The following CACNA1A variants were observed in gnomAD, a reference collection of about 807,000 sequenced individuals.
CACNA1A encodes calcium voltage-gated channel subunit alpha1 A, also known as voltage-dependent P/Q-type calcium channel subunit alpha-1A.
A neutral mutation model predicts 262.4 loss-of-function variants in CACNA1A; 57 were observed. The ratio of observed to expected loss-of-function variants is 0.22; its 90% confidence interval spans 0.18 to 0.27. The LOEUF is 0.27. Ranked by LOEUF, CACNA1A falls within the 10% of genes least tolerant of loss-of-function variation. CACNA1A has a pLI of 1.00. For missense variants in CACNA1A, 2,526 were observed against 3,562.8 expected (o/e 0.71, Z 7.41); for synonymous variants, 1,431 against 1,419.3 (o/e 1.01, Z -0.18).
At chr19:13,283,555 T>C in intron 21 of CACNA1A, 159 bp from the exon 22 acceptor site, 1 of 897,208 alleles carries the variant, frequency 1.1e-6, no homozygotes. Context: ...GGGCCCTCTC[T>C]GGGTCCTGGA....
At chr19:13,230,308 C>T in intron 35 of CACNA1A, 99 bp from the exon 36 acceptor site, 1 of 1,338,684 alleles carries the variant, frequency 7.5e-7, no homozygotes, top group Non-Finnish European at 1.0e-6. Context: ...ACAGACAGAC[C>T]CAAAGACATG....
intron 3 of CACNA1A, among the ~76,000 whole-genome samples, chr19:13,398,004 G>A (rs977305655): frequency 2.0e-5 from 3 of 151,962 alleles, no homozygotes; most frequent in African/African-American, 7.3e-5. Context: ...GCTCACGGCT[G>A]TAATCCCAGC....
chr19:13,235,280 G>A lies in CACNA1A; in HGVS notation c.5068-6C>T. ...AGACAGACATAAGGCAGGGCCTGGT[G>A]GGAAAAAAGGCAATGAAGAAGAGTG... is the stretch of plus-strand genomic sequence containing the variant. On this transcript the variant is annotated splice_region_variant and splice_polypyrimidine_tract_variant and intron_variant, in intron 32 of 46. Coordinates refer to ENST00000360228, the MANE Select transcript of CACNA1A (RefSeq NM_001127222.2). The A allele has an allele frequency of 6.3e-7, 1 of 1,583,354 alleles. No individual in the cohort carries two copies. The highest frequency in any genetic ancestry group is 1.1e-5 in the South Asian group (1 of 87,062).
chr19:13,479,804 A>C (rs552549080), intron 1 of CACNA1A, among the ~76,000 whole-genome samples: 35 of 152,362 alleles, frequency 2.3e-4, no homozygotes, highest in African/African-American at 8.4e-4. Flanking sequence ...TTAAGAAAGG[A>C]AGGGCAAAGA....
intron 46 of CACNA1A, 106 bp downstream of exon 46, chr19:13,208,650 G>A (rs1340785839): frequency 3.7e-6 from 5 of 1,363,810 alleles, no homozygotes; most frequent in Admixed American, 2.7e-5. Context: ...GTCACAGCCG[G>A]GATCCGGGGA....
intron 3 of CACNA1A, among the ~76,000 whole-genome samples, chr19:13,407,168 A>C (rs1397537462): frequency 6.6e-6 from 1 of 152,218 alleles, no homozygotes; most frequent in African/African-American, 2.4e-5. Context: ...CACAAAATGC[A>C]CCAAATGGTC....
rs16046 is a variant in CACNA1A at position 13,212,650 on chromosome 19, G to C, written c.6031C>G (p.Leu2011Val). The change falls in exon 41 of 47, where the codon CTG becomes GTG. Residue 2011 changes from leucine to valine, a missense_variant. Leu to Val is a conservative substitution (Grantham distance 32). Transcript: ENST00000360228. The surrounding 1 kb of genome is among the most constrained non-coding windows in gnomAD (Gnocchi z 5.6). Reference protein sequence around the residue: ...PGQNALPSTQLDPGGALMAHE... With the variant: ...PGQNALPSTQVDPGGALMAHE... ...ACTCACAGGGCTCCTCCTGGGTCCA[G>C]CTGGGTGGAGGGGAGGGCGTTCTGG... is the stretch of plus-strand genomic sequence containing the variant. The C allele has an allele frequency of 9.9e-6, 15 of 1,518,924 alleles. No homozygotes were observed. Among genetic ancestry groups the C allele is most frequent in the Non-Finnish European group, 1.3e-5 (15 of 1,131,146 alleles). 94.1% of individuals were successfully genotyped at this position (1,518,924 alleles called of 1,614,324 possible).
chr19:13,346,637 TA>T lies in CACNA1A; in HGVS notation c.979-10729del, dbSNP rs2058773482. Reference sequence around the variant, plus strand: ...TTGATTATATATATATATATATATATATATATATATATATATATATATATAT... The same window carrying T: ...TTGATTATATATATATATATATATATTATATATATATATATATATATATAT... On this transcript the variant is annotated intron_variant, in intron 6 of 46. Coordinates refer to ENST00000360228, the MANE Select transcript of CACNA1A (RefSeq NM_001127222.2). 3.0e-3 allele frequency among the ~76,000 whole-genome samples: 16 copies of T among 5,330 alleles called. 1 individual carries two copies. Among genetic ancestry groups the T allele is most frequent in the Non-Finnish European group, 5.5e-3 (12 of 2,182 alleles). The allele number at this position is 5,330 out of a possible 152,430, so 3.5% of individuals were successfully genotyped here. A position where few individuals can be genotyped will look rare whatever the true frequency, so the allele number is the denominator to read the frequency against.
chr19:13,318,001 G>C (rs1042572801), intron 10 of CACNA1A, among the ~76,000 whole-genome samples: 2 of 152,232 alleles, frequency 1.3e-5, no homozygotes, highest in Non-Finnish European at 2.9e-5. Context: ...AAAAAAGTTG[G>C]GATGGGTGCA....
chr19:13,455,295 A>G, intron 1 of CACNA1A, 83 bp from the exon 2 acceptor site: 2 of 783,478 alleles, frequency 2.6e-6, no homozygotes, highest in African/African-American at 1.7e-5. Flanking sequence ...CCCAGTGGAA[A>G]GATCTCAAGC....
At chr19:13,498,285 T>C (rs982717388) in intron 1 of CACNA1A, among the ~76,000 whole-genome samples, 2 of 152,090 alleles carry the variant, frequency 1.3e-5, no homozygotes, top group Admixed American at 6.6e-5. Context: ...AAAGGTAACA[T>C]CCAGACTTCG....
chr19:13,381,217 G>A (rs1056050891), intron 3 of CACNA1A, among the ~76,000 whole-genome samples: 5 of 151,744 alleles, frequency 3.3e-5, no homozygotes, highest in East Asian at 1.9e-4. Context: ...AGACCTTGTC[G>A]CTATTAAAAA....
chr19:13,242,222 A>T (rs752461707), intron 31 of CACNA1A, among the ~76,000 whole-genome samples: 1 of 152,228 alleles, frequency 6.6e-6, no homozygotes, highest in Non-Finnish European at 1.5e-5. Context: ...GTAATAGTTA[A>T]CAACCACCAT....
chr19:13,353,411 C>A (rs1410308436), intron 6 of CACNA1A, among the ~76,000 whole-genome samples: 1 of 151,526 alleles, frequency 6.6e-6, no homozygotes, highest in East Asian at 1.9e-4. Context: ...GAATTACAGG[C>A]ATGAACCACT....
intron 3 of CACNA1A, among the ~76,000 whole-genome samples, chr19:13,388,833 A>G (rs919174726): frequency 2.6e-5 from 4 of 152,158 alleles, no homozygotes; most frequent in Non-Finnish European, 4.4e-5. Context: ...TTTTTAACTG[A>G]CATAAGCAGG....
chr19:13,322,763 T>A (rs1184613471), intron 10 of CACNA1A, among the ~76,000 whole-genome samples: 1 of 152,120 alleles, frequency 6.6e-6, no homozygotes, highest in Admixed American at 6.5e-5. Context: ...ACCCAGCTAA[T>A]TTTTGTATTT....
At chr19:13,228,905 T>A in intron 36 of CACNA1A, 1 of 542,238 alleles carries the variant, frequency 1.8e-6, no homozygotes, top group Non-Finnish European at 3.3e-6. Flanking sequence ...CTTGAAGGAG[T>A]GGGAGAGACT....
At chr19:13,340,156 G>C (rs1305940932) in intron 6 of CACNA1A, among the ~76,000 whole-genome samples, 1 of 48,560 alleles carries the variant, frequency 2.1e-5, no homozygotes, top group Non-Finnish European at 3.5e-5. Context: ...GAGAGGGACA[G>C]GACTGAAAGG....
chr19:13,499,139 C>T (rs1005060356), intron 1 of CACNA1A, among the ~76,000 whole-genome samples: 1 of 151,904 alleles, frequency 6.6e-6, no homozygotes, highest in East Asian at 1.9e-4. Flanking sequence ...CTGGGGTGGC[C>T]ATCCTGGGCT....
Sources: gnomAD v4.1 joint callset for allele counts (sites outside exome capture counted in the v4.1 genomes callset) on GRCh38, gnomAD v4.1.1 for gene constraint, Gnocchi (gnomAD v3.1) non-coding constraint, MANE v1.5 for transcripts, NCBI Gene and HGNC (gene_info 2026-07-23, HGNC 2026-07-21) for gene names.